The following ABLIM2 variants were observed in gnomAD, a reference collection of about 807,000 sequenced individuals.
ABLIM2 encodes actin-binding LIM protein 2.
Under a neutral mutation model 97.7 loss-of-function variants are expected in ABLIM2, and 53 were observed. The ratio of observed to expected loss-of-function variants is 0.54; its 90% confidence interval spans 0.44 to 0.68. ABLIM2 has a LOEUF of 0.68. ABLIM2 is among the 30% of genes least tolerant of loss of function. The pLI, the probability that ABLIM2 is intolerant of heterozygous loss-of-function variation, is 0.00. For synonymous variants in ABLIM2, 361 were observed against 345.8 expected (o/e 1.04, Z -0.49); for missense variants, 835 against 867.2 (o/e 0.96, Z 0.47).
chr4:8,029,586 TA>T (rs758188738), intron 11 of ABLIM2, 69 bp downstream of exon 11: 177,937 of 1,021,136 alleles, frequency 0.17, 165 homozygotes, highest in Middle Eastern at 0.2. Flanking sequence ...AAAAAAAAAC[TA>T]AAAAAAAAAA....
chr4:8,026,435 G>C (rs1055958873), intron 12 of ABLIM2, among the ~76,000 whole-genome samples: 2 of 152,368 alleles, frequency 1.3e-5, no homozygotes, highest in Non-Finnish European at 2.9e-5. Flanking sequence ...CCAAAGCAAT[G>C]ATGATGAGGT....
At chr4:8,097,841 G>A (rs944902347) in intron 2 of ABLIM2, among the ~76,000 whole-genome samples, 4 of 150,994 alleles carry the variant, frequency 2.6e-5, no homozygotes, top group Non-Finnish European at 5.9e-5. Context: ...GGCCCTCGAC[G>A]CCTGTCTCCC....
chr4:8,080,247 C>G (rs1818924001), intron 5 of ABLIM2, among the ~76,000 whole-genome samples: 2 of 152,192 alleles, frequency 1.3e-5, no homozygotes, highest in South Asian at 4.1e-4. Context: ...GATGGGTCAG[C>G]CCCCTCTCCT....
chr4:8,126,749 C>T (rs190633307), intron 1 of ABLIM2, among the ~76,000 whole-genome samples: 1 of 152,126 alleles, frequency 6.6e-6, no homozygotes, highest in African/African-American at 2.4e-5. Flanking sequence ...AGAGGCACAC[C>T]CTCCTGAGCT....
rs116361750 is a variant in ABLIM2, at chr4:8,033,349, G to A, written c.1047+2800C>T. Among the ~76,000 whole-genome samples the A allele has an allele frequency of 7.2e-5, 11 of 152,322 alleles. No homozygotes were observed. Among genetic ancestry groups the A allele is most frequent in the Admixed American group, 2.6e-4 (4 of 15,298 alleles). On this transcript the variant is annotated intron_variant, in intron 10 of 20. Coordinates refer to ENST00000447017, the MANE Select transcript of ABLIM2 (RefSeq NM_001130083.2). This position sits in a 1 kb window ranked among gnomAD's most constrained non-coding sequence, Gnocchi z 4.5. Reference sequence around the variant, plus strand: ...TCACAGGAACCATGGTTATTACAGCGCAATAACTCGACGGCCTCTGGGAGG... The same window carrying A: ...TCACAGGAACCATGGTTATTACAGCACAATAACTCGACGGCCTCTGGGAGG...
chr4:8,117,826 T>A (rs573898482), intron 1 of ABLIM2, among the ~76,000 whole-genome samples: 6 of 152,164 alleles, frequency 3.9e-5, no homozygotes, highest in Non-Finnish European at 7.4e-5. Flanking sequence ...TGGGCCTCTC[T>A]CCTATCCCCC....
intron 8 of ABLIM2, among the ~76,000 whole-genome samples, chr4:8,052,149 C>T (rs1206174390): frequency 6.6e-6 from 1 of 152,210 alleles, no homozygotes; most frequent in Admixed American, 6.5e-5. Context: ...GGTGTTTCTC[C>T]ACTCATCGGA....
At chr4:8,016,076 A>C (rs1768985489) in intron 14 of ABLIM2, among the ~76,000 whole-genome samples, 1 of 116,996 alleles carries the variant, frequency 8.5e-6, no homozygotes, top group Non-Finnish European at 1.6e-5. Context: ...ATGGAGTCTC[A>C]CTCTGTCGCC....
At chr4:8,152,073 C>A (rs1713061893) in intron 1 of ABLIM2, among the ~76,000 whole-genome samples, 1 of 152,156 alleles carries the variant, frequency 6.6e-6, no homozygotes, top group Non-Finnish European at 1.5e-5. Flanking sequence ...GGGAATAACA[C>A]ACCACGGCCC....
rs141203279 is a variant in ABLIM2 at position 8,033,040 on chromosome 4, A to G, written c.1047+3109T>C. On this transcript the variant is annotated intron_variant, in intron 10 of 20. Transcript: ENST00000447017. This position sits in a 1 kb window ranked among gnomAD's most constrained non-coding sequence, Gnocchi z 4.5. Reference sequence around the variant, plus strand: ...ACAGGCAGCAACATCCTGAGGGCCCATCACCTCGGTTTTCTCTGGACAAGA... The same window carrying G: ...ACAGGCAGCAACATCCTGAGGGCCCGTCACCTCGGTTTTCTCTGGACAAGA... 1.1e-4 allele frequency among the ~76,000 whole-genome samples: 17 copies of G among 152,322 alleles called. No homozygotes were observed. Among genetic ancestry groups the G allele is most frequent in the Non-Finnish European group, 1.9e-4 (13 of 68,026 alleles).
At position 8,023,341 on chromosome 4, in the gene ABLIM2, G is replaced by T. The variant is rs1478014453; in HGVS notation, c.1268-3038C>A. On this transcript the variant is annotated intron_variant, in intron 12 of 20. Coordinates refer to ENST00000447017, the MANE Select transcript of ABLIM2 (RefSeq NM_001130083.2). The surrounding 1 kb of genome is among the most constrained non-coding windows in gnomAD (Gnocchi z 5.7). ...ACGTCTCCCAAGGCTCCTCTCGGCTGCGACCTTTTGCAGACGTTCCTTGTG... is the reference window on the plus strand; with the variant it reads ...ACGTCTCCCAAGGCTCCTCTCGGCTTCGACCTTTTGCAGACGTTCCTTGTG... 6.6e-6 allele frequency among the ~76,000 whole-genome samples: 1 copy of T among 152,252 alleles called. No individual in the cohort carries two copies. The highest frequency in any genetic ancestry group is 2.4e-5 in the African/African-American group (1 of 41,476).
intron 5 of ABLIM2, 75 bp from the exon 6 acceptor site, chr4:8,077,796 A>C: frequency 1.6e-6 from 2 of 1,286,616 alleles, no homozygotes; most frequent in Non-Finnish European, 2.2e-6. Context: ...CCTCACCAAC[A>C]AGAGAGTCTG....
Position 8,008,189 on chromosome 4 carries a change from G to A in ABLIM2, c.1488C>T (p.Ser496=). The A allele has an allele frequency of 6.2e-7, 1 of 1,613,226 alleles. No individual in the cohort carries two copies. The highest frequency in any genetic ancestry group is 8.5e-7 in the Non-Finnish European group (1 of 1,179,330). Residue 496 remains serine (S), a synonymous_variant, in exon 16 of 21, where the codon AGC becomes AGT. Transcript: ENST00000447017. The part of the protein sequence containing the change: ...LDQDNRKQKS[S]WLMLKGDADT... The stretch of plus-strand genomic sequence containing the variant: ...CTGCATCCCCCTTGAGCATCAGCCA[G>A]CTGCTCTTCTGCTGAAGGTAAAAAA...
rs1173494102 is a variant in ABLIM2, at chr4:8,087,659, GC to G, written c.454+509del. ...CCTGGAGGAGGTATGCTAGAGCTGGGCAAAAGCAGCAGTGGACATTAGATGG... is the reference window on the plus strand; with the variant it reads ...CCTGGAGGAGGTATGCTAGAGCTGGGAAAAGCAGCAGTGGACATTAGATGG... On this transcript the variant is annotated intron_variant, in intron 4 of 20. Coordinates refer to ENST00000447017, the MANE Select transcript of ABLIM2 (RefSeq NM_001130083.2). This position sits in a 1 kb window ranked among gnomAD's most constrained non-coding sequence, Gnocchi z 4.6. Among the ~76,000 whole-genome samples, 1 of 152,182 alleles carries G rather than the reference GC, an allele frequency of 6.6e-6. No homozygotes were observed.
At chr4:8,158,497 G>C (rs192798368) in intron 1 of ABLIM2, among the ~76,000 whole-genome samples, 183 bp downstream of exon 1, 2 of 152,128 alleles carry the variant, frequency 1.3e-5, no homozygotes, top group Non-Finnish European at 2.9e-5. Flanking sequence ...TACGCGCTCC[G>C]GGCGCAGGGC....
intron 20 of ABLIM2, among the ~76,000 whole-genome samples, chr4:7,976,861 G>GTATA (rs1425181288): frequency 6.7e-6 from 1 of 149,910 alleles, no homozygotes; most frequent in Non-Finnish European, 1.5e-5. Context: ...ACACATACAC[G>GTATA]TATACATACA....
intron 1 of ABLIM2, among the ~76,000 whole-genome samples, chr4:8,137,797 G>A (rs1030643421): frequency 3.9e-5 from 6 of 152,292 alleles, no homozygotes; most frequent in East Asian, 1.9e-4. Context: ...CATTTGATCC[G>A]GCAGTCCCAC....
At chr4:8,154,868 G>C (rs1047285000) in intron 1 of ABLIM2, among the ~76,000 whole-genome samples, 28 of 152,224 alleles carry the variant, frequency 1.8e-4, no homozygotes, top group African/African-American at 6.8e-4. Flanking sequence ...GCTCCACATG[G>C]CTAGGGAGGC....
At chr4:8,010,158 A>G (rs765715241) in intron 14 of ABLIM2, among the ~76,000 whole-genome samples, 1 of 152,250 alleles carries the variant, frequency 6.6e-6, no homozygotes, top group Non-Finnish European at 1.5e-5. Flanking sequence ...GCAGCTGAGC[A>G]ACGAGGCATC....
Sources: gnomAD v4.1 joint callset for allele counts (sites outside exome capture counted in the v4.1 genomes callset) on GRCh38, gnomAD v4.1.1 for gene constraint, Gnocchi (gnomAD v3.1) non-coding constraint, MANE v1.5 for transcripts, NCBI Gene and HGNC (gene_info 2026-07-23, HGNC 2026-07-21) for gene names.